The following MAP2K4 variants were observed in gnomAD, a reference collection of about 807,000 sequenced individuals.
MAP2K4 encodes the protein dual specificity mitogen-activated protein kinase kinase 4.
A neutral mutation model predicts 48.5 loss-of-function variants in MAP2K4; 4 were observed. The observed-to-expected ratio is 0.08, with a 90% confidence interval of 0.04 to 0.19. The LOEUF (loss-of-function observed/expected upper bound fraction) is 0.19. Among genes scored for constraint, MAP2K4 ranks in the 10% least tolerant of loss-of-function variants. MAP2K4 has a pLI of 1.00. For synonymous variants in MAP2K4, 166 were observed against 173.1 expected, an observed-to-expected ratio of 0.96 and a Z score of 0.32; for missense variants, 258 against 493.3, an observed-to-expected ratio of 0.52 and a Z score of 4.52.
intron 9 of MAP2K4, among the ~76,000 whole-genome samples, chr17:12,133,618 G>A (rs1402316118): frequency 5.3e-5 from 8 of 151,890 alleles, no homozygotes; most frequent in Admixed American, 2.0e-4. Context: ...TTTTTTTAGG[G>A]GAAAAATTCT....
chr17:12,036,390 G>A (rs1446365356), intron 1 of MAP2K4: 1 of 152,266 alleles, frequency 6.6e-6, no homozygotes. Flanking sequence ...ATTTATGACC[G>A]TATCTCACTG....
chr17:12,064,184 G>A (rs1970541912), intron 2 of MAP2K4, among the ~76,000 whole-genome samples: 1 of 151,814 alleles, frequency 6.6e-6, no homozygotes, highest in Non-Finnish European at 1.5e-5. Flanking sequence ...ACCAAAGCTG[G>A]AGTGCATCAT....
intron 1 of MAP2K4, among the ~76,000 whole-genome samples, chr17:12,042,396 T>C (rs922726837): frequency 6.6e-6 from 1 of 152,138 alleles, no homozygotes; most frequent in African/African-American, 2.4e-5. Flanking sequence ...GACAAGGTAG[T>C]CAGGTGTGCC....
intron 2 of MAP2K4, among the ~76,000 whole-genome samples, chr17:12,070,963 T>C (rs1970783963): frequency 6.6e-6 from 1 of 152,326 alleles, no homozygotes; most frequent in East Asian, 1.9e-4. Context: ...AGGGCCATGC[T>C]TCTCCCGAAG....
chr17:12,123,453 G>A (rs1335720414), intron 7 of MAP2K4, among the ~76,000 whole-genome samples: 4 of 152,104 alleles, frequency 2.6e-5, no homozygotes, highest in African/African-American at 9.7e-5. Context: ...CTAGCCAAAG[G>A]TGTGTCCATT....
chr17:12,122,549 T>G (rs1972726825), intron 7 of MAP2K4, among the ~76,000 whole-genome samples: 1 of 152,232 alleles, frequency 6.6e-6, no homozygotes, highest in Admixed American at 6.5e-5. Flanking sequence ...CATTGGATCT[T>G]GTGACCTTGC....
intron 2 of MAP2K4, among the ~76,000 whole-genome samples, chr17:12,056,997 AT>A (rs1302062762): frequency 1.3e-5 from 2 of 152,194 alleles, no homozygotes; most frequent in African/African-American, 4.8e-5. Context: ...ATAAGATGAA[AT>A]AAGCAAGCTA....
chr17:12,063,969 T>C (rs1398443972), intron 2 of MAP2K4, among the ~76,000 whole-genome samples: 3 of 52,168 alleles, frequency 5.8e-5, no homozygotes, highest in African/African-American at 1.9e-4. Context: ...CAAAATTCTG[T>C]CAGGGGGCGG....
chr17:12,138,134 C>T (rs1025104343), intron 9 of MAP2K4, among the ~76,000 whole-genome samples: 6 of 152,094 alleles, frequency 3.9e-5, no homozygotes, highest in African/African-American at 1.4e-4. Flanking sequence ...TAGACTCAGA[C>T]ACTCAAATAT....
intron 9 of MAP2K4, among the ~76,000 whole-genome samples, chr17:12,139,071 T>A (rs906644007): frequency 1.3e-5 from 2 of 152,182 alleles, no homozygotes; most frequent in African/African-American, 4.8e-5. Flanking sequence ...GTGTGGGATA[T>A]GGAAAACAGC....
chr17:12,045,802 T>C (rs1969942708), intron 1 of MAP2K4, among the ~76,000 whole-genome samples: 1 of 152,190 alleles, frequency 6.6e-6, no homozygotes, highest in Non-Finnish European at 1.5e-5. Context: ...TTGTTGGGGT[T>C]GATCAATTTG....
chr17:12,067,971 G>A (rs1289611825), intron 2 of MAP2K4, among the ~76,000 whole-genome samples: 1 of 152,120 alleles, frequency 6.6e-6, no homozygotes, highest in Admixed American at 6.5e-5. Flanking sequence ...TTTAGAAGGA[G>A]GGTGGTGAAA....
In MAP2K4 at chr17:12,067,307, AT is replaced by A. The variant is rs535024657; in HGVS notation, c.218+12318del. Among the ~76,000 whole-genome samples, 55 of 152,290 alleles carry A rather than the reference AT, an allele frequency of 3.6e-4. No homozygotes were observed. In the South Asian group the frequency reaches 0.011, roughly 30 times the overall value. On this transcript the variant is annotated intron_variant, in intron 2 of 10. Coordinates refer to ENST00000353533, the MANE Select transcript of MAP2K4 (RefSeq NM_003010.4). ...TTAACCAATGTTTAATTCTTCATAG[AT>A]TGGTAATTTTCAGCCCTTTTCTTGT...
chr17:12,041,230 A>T (rs1286922696), intron 1 of MAP2K4, among the ~76,000 whole-genome samples: 1 of 152,202 alleles, frequency 6.6e-6, no homozygotes, highest in Non-Finnish European at 1.5e-5. Flanking sequence ...TGAAATTGGG[A>T]GTTATTTAAT....
intron 7 of MAP2K4, chr17:12,115,659 A>T: frequency 1.3e-6 from 1 of 754,848 alleles, no homozygotes; most frequent in Non-Finnish European, 2.5e-6. Context: ...TAACACAGCA[A>T]AGTGAACCAG....
chr17:12,090,876 G>A (rs1567654999), intron 3 of MAP2K4, among the ~76,000 whole-genome samples: 1 of 151,970 alleles, frequency 6.6e-6, no homozygotes. Flanking sequence ...AGTTTTATTC[G>A]TTCCTCTTGT....
intron 8 of MAP2K4, 111 bp downstream of exon 8, chr17:12,125,482 A>G (rs1972826048): frequency 1.2e-6 from 1 of 816,528 alleles, no homozygotes; most frequent in Non-Finnish European, 2.1e-6. Flanking sequence ...AATCACAGAC[A>G]CTATGGTTTT....
intron 4 of MAP2K4, among the ~76,000 whole-genome samples, chr17:12,104,130 G>T (rs982579467): frequency 6.6e-6 from 1 of 152,122 alleles, no homozygotes; most frequent in African/African-American, 2.4e-5. Flanking sequence ...ATTGTATTTG[G>T]TATCAGCCAT....
intron 1 of MAP2K4, among the ~76,000 whole-genome samples, chr17:12,028,661 G>C (rs1969335953): frequency 1.3e-5 from 2 of 152,160 alleles, no homozygotes; most frequent in Non-Finnish European, 2.9e-5. Context: ...GACCCAGTAA[G>C]GCAGCTCTGA....
Sources: gnomAD v4.1 joint callset for allele counts (sites outside exome capture counted in the v4.1 genomes callset) on GRCh38, gnomAD v4.1.1 for gene constraint, MANE v1.5 for transcripts, NCBI Gene and HGNC (gene_info 2026-07-23, HGNC 2026-07-21) for gene names.